UACA: variants seen among roughly 807,000 people sequenced by gnomAD.
The protein encoded by UACA is nuclear membrane binding protein.
Under a neutral mutation model 160.5 loss-of-function variants are expected in UACA, and 112 were observed. The ratio of observed to expected loss-of-function variants is 0.70; its 90% confidence interval spans 0.60 to 0.82. The LOEUF (loss-of-function observed/expected upper bound fraction) is 0.82, where lower values mean the gene tolerates loss of function less well. UACA is among the 40% of genes least tolerant of loss of function. UACA has a pLI of 0.00. For missense variants in UACA, 1,574 were observed against 1,614.6 expected (o/e 0.97, Z 0.43); for synonymous variants, 557 against 568.4 (o/e 0.98, Z 0.29).
chr15:70,763,213 G>C, intron 1 of UACA, 117 bp downstream of exon 1: 1 of 1,157,598 alleles, frequency 8.6e-7, no homozygotes, highest in Non-Finnish European at 1.1e-6. Context: ...CGCCAGGGCC[G>C]CCGAAGCCGA....
At chr15:70,708,688 C>T (rs1315176835) in intron 1 of UACA, among the ~76,000 whole-genome samples, 1 of 152,164 alleles carries the variant, frequency 6.6e-6, no homozygotes, top group Non-Finnish European at 1.5e-5. Flanking sequence ...CCAGGCTAGT[C>T]TTGAACTGCT....
intron 5 of UACA, among the ~76,000 whole-genome samples, chr15:70,688,660 C>T (rs1169893818): frequency 6.6e-6 from 1 of 151,982 alleles, no homozygotes; most frequent in East Asian, 1.9e-4. Context: ...CGACCCTTTA[C>T]GTCCAATTAT....
At chr15:70,766,935 G>A (rs72755488), upstream of UACA, among the ~76,000 whole-genome samples, 27,502 of 152,058 alleles carry the variant, frequency 0.18, 3,788 homozygotes, top group African/African-American at 0.39. Flanking sequence ...TTTCTCAGAA[G>A]AAGAATAAAG....
chr15:70,717,120 C>T (rs545441681), intron 1 of UACA, among the ~76,000 whole-genome samples: 2 of 152,294 alleles, frequency 1.3e-5, no homozygotes, highest in African/African-American at 4.8e-5. Context: ...ACTCGGGAGG[C>T]TGAGGCAGGC....
In UACA at chr15:70,687,525, T is replaced by C; in HGVS notation, c.602+15A>G. ...GTATCCAGCTGGTATCTGGGAGCCATGATAAAAGAATTACCTGTTTTGTTT... is the reference window on the plus strand; with the variant it reads ...GTATCCAGCTGGTATCTGGGAGCCACGATAAAAGAATTACCTGTTTTGTTT... On this transcript the variant is annotated intron_variant, in intron 7 of 18. Transcript: ENST00000322954. 6 of 1,610,342 alleles carry C rather than the reference T, an allele frequency of 3.7e-6. No homozygotes were observed. The highest frequency in any genetic ancestry group is 1.7e-5 in the Admixed American group (1 of 59,992).
chr15:70,722,086 T>C (rs925009262), intron 1 of UACA, among the ~76,000 whole-genome samples: 1 of 152,226 alleles, frequency 6.6e-6, no homozygotes, highest in Non-Finnish European at 1.5e-5. Context: ...CTTTTCGATA[T>C]GAAAAATATT....
At chr15:70,774,305 G>A in the UACA span, among the ~76,000 whole-genome samples, 2 of 152,062 alleles carry the variant, frequency 1.3e-5, no homozygotes, top group Admixed American at 6.5e-5. Flanking sequence ...CCAGCACTTT[G>A]GGAGGCCGAG....
chr15:70,656,859 T>C lies in UACA; in HGVS notation c.*197A>G, dbSNP rs773639790. On this transcript the variant is annotated 3_prime_UTR_variant, in exon 19 of 19. Transcript: ENST00000322954. ...TTTGCCTATTTGTAAAATTAACACA[T>C]ACAGAAAATAAGATTCAAACTGATA... The C allele has an allele frequency of 1.9e-5, 9 of 462,322 alleles. No homozygotes were observed. Among genetic ancestry groups the C allele is most frequent in the Non-Finnish European group, 2.7e-5 (7 of 260,654 alleles). 28.6% of individuals were successfully genotyped at this position (462,322 alleles called of 1,614,324 possible). A position where few individuals can be genotyped will look rare whatever the true frequency, so the allele number is the denominator to read the frequency against.
intron 1 of UACA, among the ~76,000 whole-genome samples, chr15:70,706,117 G>A (rs28723439): frequency 0.14 from 20,621 of 151,946 alleles, 1,713 homozygotes; most frequent in African/African-American, 0.23. Context: ...ATGCAAGGAC[G>A]TTTCAATATA....
rs1250410682 is a variant in UACA at position 70,667,032 on chromosome 15, A to AT, written c.3651dup (p.Leu1218IlefsTer4). ...AAGTCAACTACCTCTCTAGTCTCTA[A>AT]TTTTTTTAATGCTTGTTTAGTATTC... is the stretch of plus-strand genomic sequence containing the variant. On this transcript the variant is annotated frameshift_variant, in exon 16 of 19. Transcript: ENST00000322954. LOFTEE classifies it high-confidence loss of function. The AT allele has an allele frequency of 1.9e-6, 3 of 1,613,296 alleles. No homozygotes were observed. The highest frequency in any genetic ancestry group is 2.5e-6 in the Non-Finnish European group (3 of 1,179,894).
intron 10 of UACA, 122 bp downstream of exon 10, chr15:70,679,486 A>C (rs1427743523): frequency 5.9e-6 from 3 of 512,052 alleles, no homozygotes; most frequent in Non-Finnish European, 1.0e-5. Context: ...AATTTTAACG[A>C]GCTTCCCTTT....
chr15:70,752,640 A>T (rs1366300398), intron 1 of UACA, among the ~76,000 whole-genome samples: 1 of 152,070 alleles, frequency 6.6e-6, no homozygotes, highest in Non-Finnish European at 1.5e-5. Context: ...AGAGTCAATG[A>T]GATTTTTTTT....
intron 16 of UACA, 130 bp downstream of exon 16, chr15:70,666,594 G>C: frequency 1.4e-6 from 1 of 690,952 alleles, no homozygotes; most frequent in South Asian, 3.8e-5. Context: ...CGGAATTTTT[G>C]CACGCAAGTT....
At chr15:70,768,223 T>C (rs1046734585), upstream of UACA, 2 of 152,220 alleles carry the variant, frequency 1.3e-5, no homozygotes, top group Non-Finnish European at 2.9e-5. Context: ...CTGTTGAGGA[T>C]TGTTATGCGT....
chr15:70,747,288 G>T (rs1899739275), intron 1 of UACA, among the ~76,000 whole-genome samples: 1 of 141,274 alleles, frequency 7.1e-6, no homozygotes, highest in African/African-American at 2.8e-5. Flanking sequence ...TCTGCTGCCA[G>T]GCTGGAGTGC....
At position 70,668,029 on chromosome 15, in the gene UACA, A is replaced by T. The variant is rs746224315; in HGVS notation, c.2655T>A (p.Asp885Glu). 8.7e-6 allele frequency: 14 copies of T among 1,609,278 alleles called. No individual in the cohort carries two copies. Among genetic ancestry groups the T allele is most frequent in the African/African-American group, 4.0e-5 (3 of 74,624 alleles). Residue 885 changes from aspartate to glutamate, a missense_variant, in exon 16 of 19, where the codon GAT (aspartate) becomes GAA (glutamate). Asp to Glu is a conservative substitution (Grantham distance 45). Transcript: ENST00000322954. ...TTATATCTTCAAATTTTTTCTTCAC[A>T]TCTAATAATTCTCTGTTAGTTTTGG... ...TLAKTNRELL[D>E]VKKKFEDINQ...
chr15:70,686,484 CTTTTTTTTTTTT>C (rs59586401), intron 7 of UACA, among the ~76,000 whole-genome samples: 3 of 104,856 alleles, frequency 2.9e-5, no homozygotes, highest in Non-Finnish European at 3.8e-5. Flanking sequence ...AGCCAGGGTT[CTTTTTTTTTTTT>C]TTTTTTTTTT....
intron 3 of UACA, 74 bp from the exon 4 acceptor site, chr15:70,691,437 A>G: frequency 8.6e-7 from 1 of 1,166,722 alleles, no homozygotes; most frequent in Non-Finnish European, 1.2e-6. Context: ...TAGAAATATG[A>G]TTCTTTTTTC....
chr15:70,667,479 T>A lies in UACA; in HGVS notation c.3205A>T (p.Asn1069Tyr). 1 of 1,611,064 alleles carries A rather than the reference T, an allele frequency of 6.2e-7. No individual in the cohort carries two copies. Among genetic ancestry groups the A allele is most frequent in the East Asian group, 2.2e-5 (1 of 44,856 alleles). The change falls in exon 16 of 19, where the codon AAC becomes TAC. Residue 1069 changes from asparagine (N) to tyrosine (Y), a missense_variant. Transcript: ENST00000322954. The part of the protein sequence containing the change: ...RALSRKTDEL[N>Y]KQLKDLSQKY... ...TGTGACAAGTCTTTTAACTGTTTGT[T>A]TAGCTCGTCTGTTTTTCTGCTTAAT...
Sources: allele counts gnomAD v4.1 joint callset (sites outside exome capture counted in the v4.1 genomes callset), GRCh38; gene constraint gnomAD v4.1.1; transcripts MANE v1.5; gene names NCBI Gene and HGNC (gene_info 2026-07-23, HGNC 2026-07-21).